The following LGSN variants were observed in gnomAD, a reference collection of about 807,000 sequenced individuals.
LGSN encodes the protein lengsin.
LGSN carries 21 observed loss-of-function variants against 19.5 expected under a neutral mutation model. The observed-to-expected ratio is 1.07, with a 90% CI of 0.76 to 1.55. The LOEUF is 1.55. Among genes scored for constraint, LGSN ranks in the 40% most tolerant of loss-of-function variants. LGSN has a pLI of 0.00. For synonymous variants in LGSN, 257 were observed against 215.6 expected (o/e 1.19, Z -1.68); for missense variants, 673 against 608.5 (o/e 1.11, Z -1.12).
the LGSN span, among the ~76,000 whole-genome samples, chr6:63,536,791 T>C: frequency 6.6e-6 from 1 of 152,162 alleles, no homozygotes; most frequent in African/African-American, 2.4e-5. Flanking sequence ...ATATTATTTA[T>C]GTAAATAATG....
chr6:63,308,343 T>C (rs1334561866), intron 1 of LGSN, among the ~76,000 whole-genome samples: 1 of 152,162 alleles, frequency 6.6e-6, no homozygotes, highest in Non-Finnish European at 1.5e-5. Flanking sequence ...ATTTTCATAA[T>C]TCATGTTTTT....
the LGSN span, among the ~76,000 whole-genome samples, chr6:63,470,933 CTTTT>C: frequency 2.7e-5 from 2 of 73,064 alleles, no homozygotes; most frequent in African/African-American, 4.9e-5. Context: ...TTCAGTCTTT[CTTTT>C]TTTTTTTTTT....
chr6:63,394,757 C>T, the LGSN span, among the ~76,000 whole-genome samples: 1 of 152,228 alleles, frequency 6.6e-6, no homozygotes, highest in South Asian at 2.1e-4. Context: ...TTTCCGGTAA[C>T]ACTGGGGCCC....
At chr6:63,412,529 G>GAAAGAAGGAAGGAAA in the LGSN span, among the ~76,000 whole-genome samples, 2 of 32,406 alleles carry the variant, frequency 6.2e-5, no homozygotes, top group South Asian at 2.5e-3. Flanking sequence ...AAAGAAAGAA[G>GAAAGAAGGAAGGAAA]GAAAGAAAGA....
the LGSN span, among the ~76,000 whole-genome samples, chr6:63,407,224 C>A: frequency 1.9e-4 from 29 of 151,562 alleles, 1 homozygote; most frequent in South Asian, 3.8e-3. Flanking sequence ...GAGACACAAC[C>A]AAAAAAGAGA....
At chr6:63,490,940 G>C in the LGSN span, among the ~76,000 whole-genome samples, 1 of 152,092 alleles carries the variant, frequency 6.6e-6, no homozygotes, top group Non-Finnish European at 1.5e-5. Flanking sequence ...CACTCAAGAA[G>C]AGACAGTGAA....
chr6:63,458,225 G>T, the LGSN span, among the ~76,000 whole-genome samples: 1 of 151,824 alleles, frequency 6.6e-6, no homozygotes, highest in African/African-American at 2.4e-5. Flanking sequence ...GTGCCCCCAC[G>T]CCCGGCTAAT....
intron 1 of LGSN, among the ~76,000 whole-genome samples, chr6:63,300,652 C>A (rs1405313170): frequency 6.6e-6 from 1 of 151,852 alleles, no homozygotes; most frequent in African/African-American, 2.4e-5. Flanking sequence ...GGTGACAAAG[C>A]AAGATCTATC....
chr6:63,481,672 T>TA, the LGSN span: 3 of 159,976 alleles, frequency 1.9e-5, no homozygotes, highest in Non-Finnish European at 2.7e-5. Flanking sequence ...TAAAATTTTT[T>TA]AAAAAAAATT....
intron 1 of LGSN, among the ~76,000 whole-genome samples, chr6:63,311,217 G>T (rs1212682388): frequency 2.0e-5 from 3 of 152,146 alleles, no homozygotes; most frequent in South Asian, 2.1e-4. Context: ...TCCACTGAAA[G>T]CTCTTCTCTT....
Position 63,319,975 on chromosome 6 carries a change from C to T in LGSN, c.-32G>A, listed in dbSNP as rs774774822. 3.9e-6 allele frequency: 6 copies of T among 1,556,770 alleles called. No individual in the cohort carries two copies. The highest frequency in any genetic ancestry group is 5.3e-6 in the Non-Finnish European group (6 of 1,128,236). On this transcript the variant is annotated 5_prime_UTR_variant, in exon 1 of 4. Transcript: ENST00000370657. ...ACTTTTTAAGTTCAGCGTTAGAAAC[C>T]ACAATATCCTCAACAAATGCATTCA...
chr6:63,299,984 C>G (rs1045318473), intron 1 of LGSN, among the ~76,000 whole-genome samples: 1 of 152,278 alleles, frequency 6.6e-6, no homozygotes, highest in East Asian at 1.9e-4. Flanking sequence ...TCCCCTGAAG[C>G]CTTTCACACA....
Position 63,280,465 on chromosome 6 carries a change from A to G in LGSN, c.1086T>C (p.Ser362=). The change falls in exon 4 of 4, where the codon TCT becomes TCC. Residue 362 remains serine, a synonymous_variant. Coordinates refer to ENST00000370657, the MANE Select transcript of LGSN (RefSeq NM_016571.3). ...SAALSCLMAP[S]VSCRKRYSKD... ...TGGAATAACGCTTTCGGCAGCTAAC[A>G]GAAGGCGCCATCAGGCAGCTGAGCG... is the stretch of plus-strand genomic sequence containing the variant. The G allele has an allele frequency of 6.2e-7, 1 of 1,614,196 alleles. No homozygotes were observed.
At position 63,278,266 on chromosome 6, in the gene LGSN, A is replaced by T. The variant is rs1374503471; in HGVS notation, c.*1755T>A. On this transcript the variant is annotated 3_prime_UTR_variant, in exon 4 of 4. Transcript: ENST00000370657. ...ATTGAGGTTTTATTACTGAGAACAG[A>T]GGGGAAAATGAACAGAGGGGAATTT... 1.3e-5 allele frequency: 2 copies of T among 151,994 alleles called. No individual in the cohort carries two copies. Among genetic ancestry groups the T allele is most frequent in the Non-Finnish European group, 2.9e-5 (2 of 67,992 alleles). 9.4% of individuals were successfully genotyped at this position (151,994 alleles called of 1,614,324 possible).
the LGSN span, among the ~76,000 whole-genome samples, chr6:63,475,741 C>G: frequency 6.6e-6 from 1 of 152,154 alleles, no homozygotes; most frequent in East Asian, 1.9e-4. Context: ...AAAGAAGAAG[C>G]AGCACATCAA....
the LGSN span, among the ~76,000 whole-genome samples, chr6:63,355,330 T>C: frequency 4.6e-5 from 7 of 152,198 alleles, no homozygotes; most frequent in Admixed American, 4.6e-4. Context: ...CTGTTCTAAG[T>C]ACTTGGGGCA....
the LGSN span, among the ~76,000 whole-genome samples, chr6:63,383,891 T>C: frequency 6.6e-6 from 1 of 152,224 alleles, no homozygotes; most frequent in Non-Finnish European, 1.5e-5. Context: ...GAACTATTTA[T>C]TGAGCCACCC....
At chr6:63,514,023 AT>A in the LGSN span, among the ~76,000 whole-genome samples, 1 of 151,948 alleles carries the variant, frequency 6.6e-6, no homozygotes, top group African/African-American at 2.4e-5. Flanking sequence ...ACTTATATAA[AT>A]ACAAATGAAT....
intron 1 of LGSN, among the ~76,000 whole-genome samples, chr6:63,304,114 T>C (rs1768284691): frequency 6.6e-6 from 1 of 152,226 alleles, no homozygotes; most frequent in South Asian, 2.1e-4. Flanking sequence ...TGAGCAACCT[T>C]ATCTCTTGAT....
Sources: allele counts gnomAD v4.1 joint callset (sites outside exome capture counted in the v4.1 genomes callset), GRCh38; gene constraint gnomAD v4.1.1; transcripts MANE v1.5; gene names NCBI Gene and HGNC (gene_info 2026-07-23, HGNC 2026-07-21).